The following ZSWIM6 variants were observed in gnomAD, a reference collection of about 807,000 sequenced individuals.
ZSWIM6 encodes the protein zinc finger SWIM-type containing 6, also known as zinc finger SWIM domain-containing protein 6.
Under a neutral mutation model 113.2 loss-of-function variants are expected in ZSWIM6, and 9 were observed. The ratio of observed to expected loss-of-function variants is 0.08; its 90% CI spans 0.05 to 0.14. The LOEUF is 0.14. ZSWIM6 is among the 10% of genes least tolerant of loss of function. The probability of loss-of-function intolerance (pLI) is 1.00; values close to 1 mark genes in which losing one functional copy is unlikely to be tolerated. For synonymous variants in ZSWIM6, 611 were observed against 606.5 expected (o/e 1.01, Z -0.11); for missense variants, 1,162 against 1,552.2 (o/e 0.75, Z 4.22).
intron 1 of ZSWIM6, among the ~76,000 whole-genome samples, chr5:61,436,635 A>T (rs1467471430): frequency 6.6e-6 from 1 of 152,210 alleles, no homozygotes; most frequent in Non-Finnish European, 1.5e-5. Context: ...TTGAGTTGTT[A>T]TTACTAAATA....
intron 1 of ZSWIM6, among the ~76,000 whole-genome samples, chr5:61,381,996 G>A (rs1745497735): frequency 6.6e-6 from 1 of 152,066 alleles, no homozygotes; most frequent in South Asian, 2.1e-4. Context: ...TTTCTTTTTT[G>A]TTGAGGTATA....
intron 1 of ZSWIM6, among the ~76,000 whole-genome samples, chr5:61,390,110 G>A (rs1239776938): frequency 6.6e-6 from 1 of 152,100 alleles, no homozygotes; most frequent in Non-Finnish European, 1.5e-5. Flanking sequence ...CTGCCTGCCA[G>A]CCAGTCGTCT....
intron 1 of ZSWIM6, among the ~76,000 whole-genome samples, chr5:61,371,771 G>A (rs1237615243): frequency 1.3e-5 from 2 of 152,038 alleles, no homozygotes; most frequent in Non-Finnish European, 2.9e-5. Context: ...AGCTATTCAT[G>A]TACTCATCAG....
chr5:61,483,738 G>A (rs1328378834), intron 2 of ZSWIM6, among the ~76,000 whole-genome samples: 5 of 150,870 alleles, frequency 3.3e-5, no homozygotes, highest in African/African-American at 9.7e-5. Context: ...TTAGCCGGGC[G>A]TGGTGGCGGC....
chr5:61,355,429 AAAACACACACACACACAC>A (rs1346918657), intron 1 of ZSWIM6, among the ~76,000 whole-genome samples: 5 of 107,458 alleles, frequency 4.7e-5, no homozygotes, highest in African/African-American at 1.8e-4. Flanking sequence ...GAGAGACTTT[AAAACACACACACACACAC>A]ACACACACAC....
intron 4 of ZSWIM6, among the ~76,000 whole-genome samples, chr5:61,506,945 TG>T (rs1561269262): frequency 6.6e-6 from 1 of 152,214 alleles, no homozygotes; most frequent in African/African-American, 2.4e-5. Flanking sequence ...TACTTCATAA[TG>T]ATAAACATAA....
intron 1 of ZSWIM6, among the ~76,000 whole-genome samples, chr5:61,362,379 G>A (rs1009626341): frequency 1.3e-5 from 2 of 152,082 alleles, no homozygotes; most frequent in African/African-American, 4.8e-5. Context: ...TGTATTTTTA[G>A]TAGAGATGGG....
At chr5:61,362,940 A>C (rs1745061746) in intron 1 of ZSWIM6, among the ~76,000 whole-genome samples, 1 of 152,192 alleles carries the variant, frequency 6.6e-6, no homozygotes, top group Non-Finnish European at 1.5e-5. Context: ...TATCCCTAAA[A>C]CATGCCATGC....
intron 1 of ZSWIM6, among the ~76,000 whole-genome samples, chr5:61,460,027 A>G (rs1034730134): frequency 1.3e-5 from 2 of 152,230 alleles, no homozygotes; most frequent in Non-Finnish European, 1.5e-5. Context: ...GCAAATAACA[A>G]CAGCATTGGT....
At chr5:61,441,046 A>C (rs1746821686) in intron 1 of ZSWIM6, among the ~76,000 whole-genome samples, 1 of 152,208 alleles carries the variant, frequency 6.6e-6, no homozygotes, top group Admixed American at 6.5e-5. Context: ...CTTGAAATAG[A>C]TCATACAGGT....
chr5:61,501,914 T>A (rs1176736774), intron 4 of ZSWIM6, among the ~76,000 whole-genome samples: 4 of 152,176 alleles, frequency 2.6e-5, no homozygotes, highest in Non-Finnish European at 5.9e-5. Flanking sequence ...TCTCCCTACT[T>A]TTCCTGTTTC....
At chr5:61,384,639 CTT>C (rs528339176) in intron 1 of ZSWIM6, among the ~76,000 whole-genome samples, 10 of 152,252 alleles carry the variant, frequency 6.6e-5, no homozygotes, top group Non-Finnish European at 1.3e-4. Context: ...GGTGGGGTGA[CTT>C]TGAATGTTGA....
intron 1 of ZSWIM6, among the ~76,000 whole-genome samples, chr5:61,445,349 A>G (rs903372438): frequency 6.6e-6 from 1 of 152,242 alleles, no homozygotes; most frequent in African/African-American, 2.4e-5. Flanking sequence ...CTATAAAAAG[A>G]GCATCATCAT....
chr5:61,349,589 G>A (rs1015527345), intron 1 of ZSWIM6, among the ~76,000 whole-genome samples: 1 of 152,062 alleles, frequency 6.6e-6, no homozygotes, highest in Non-Finnish European at 1.5e-5. Flanking sequence ...ATACCGTGTA[G>A]GGTTTCTTTT....
chr5:61,521,220 T>C, intron 4 of ZSWIM6, 43 bp from the exon 5 acceptor site: 1 of 1,211,442 alleles, frequency 8.3e-7, no homozygotes, highest in Non-Finnish European at 1.1e-6. Flanking sequence ...TGGATGTTTT[T>C]ATAATTTTTG....
Position 61,527,786 on chromosome 5 carries a change from CATATT to C in ZSWIM6, c.1837+1394_1837+1398del, listed in dbSNP as rs1388281062. ...TGATCATCTGATTTTTAAAAAAAAT[CATATT>C]ATACATTTTATGAATAAATGTTGAC... On this transcript the variant is annotated intron_variant, in intron 7 of 13. Transcript: ENST00000252744. Among the ~76,000 whole-genome samples the C allele has an allele frequency of 3.3e-5, 5 of 152,038 alleles. No individual in the cohort carries two copies. The East Asian group carries it at 9.6e-4, about 29-fold the overall frequency.
At chr5:61,352,417 A>C (rs145555398) in intron 1 of ZSWIM6, among the ~76,000 whole-genome samples, 1 of 152,254 alleles carries the variant, frequency 6.6e-6, no homozygotes, top group Non-Finnish European at 1.5e-5. Context: ...TTGTCTCTCA[A>C]TAAAAGTTTG....
At chr5:61,436,708 A>G (rs1746715259) in intron 1 of ZSWIM6, among the ~76,000 whole-genome samples, 1 of 152,216 alleles carries the variant, frequency 6.6e-6, no homozygotes, top group East Asian at 1.9e-4. Flanking sequence ...TCTAGTGGAA[A>G]GGTAAATGTT....
intron 1 of ZSWIM6, among the ~76,000 whole-genome samples, chr5:61,443,869 T>G (rs1471218309): frequency 2.0e-5 from 3 of 152,178 alleles, no homozygotes; most frequent in Non-Finnish European, 2.9e-5. Flanking sequence ...GCATGGTACA[T>G]TATTAATGTT....
Sources: allele counts gnomAD v4.1 joint callset (sites outside exome capture counted in the v4.1 genomes callset), GRCh38; gene constraint gnomAD v4.1.1; transcripts MANE v1.5; gene names NCBI Gene and HGNC (gene_info 2026-07-23, HGNC 2026-07-21).